USP31: variants seen among roughly 807,000 people sequenced by gnomAD.
The protein encoded by USP31 is ubiquitin specific peptidase 31, also known as ubiquitin carboxyl-terminal hydrolase 31.
A neutral mutation model predicts 119.4 loss-of-function variants in USP31; 44 were observed. That is an observed-to-expected ratio of 0.37 (90% confidence interval 0.29 to 0.47). USP31 has a LOEUF of 0.47. Ranked by LOEUF, USP31 falls within the 20% of genes least tolerant of loss-of-function variation. The pLI, the probability that USP31 is intolerant of heterozygous loss-of-function variation, is 0.99. For synonymous variants in USP31, 749 were observed against 705.6 expected (o/e 1.06, Z -0.97); for missense variants, 1,643 against 1,730.2 (o/e 0.95, Z 0.89).
chr16:23,105,925 C>A (rs1219901887), intron 4 of USP31, among the ~76,000 whole-genome samples: 1 of 152,174 alleles, frequency 6.6e-6, no homozygotes, highest in Non-Finnish European at 1.5e-5. Flanking sequence ...AAAGTAAGGT[C>A]TCTAGAGAAT....
At chr16:23,145,218 G>A (rs1044816249) in intron 1 of USP31, among the ~76,000 whole-genome samples, 1 of 152,170 alleles carries the variant, frequency 6.6e-6, no homozygotes. Context: ...GCTATACACA[G>A]GATGGTCCTT....
intron 13 of USP31, chr16:23,074,089 G>A: frequency 1.7e-6 from 1 of 583,660 alleles, no homozygotes; most frequent in South Asian, 1.9e-5. Context: ...ATTCCAAGTA[G>A]ATGCAGTTCC....
At position 23,072,176 on chromosome 16, in the gene USP31, C is replaced by T; in HGVS notation, c.2357G>A (p.Cys786Tyr). The part of the protein sequence containing the change: ...SVAGSTSSSL[C>Y]EHWVSRLPGS... ...CGGGAGCCGGCTCACCCAGTGTTCACACAGGGAAGAACTTGTGGAGCCTGC... is the reference window on the plus strand; with the variant it reads ...CGGGAGCCGGCTCACCCAGTGTTCATACAGGGAAGAACTTGTGGAGCCTGC... The change falls in exon 15 of 16, where the codon TGT becomes TAT. Residue 786 changes from cysteine (C) to tyrosine (Y), a missense_variant. By Grantham distance (194) the Cys-to-Tyr change is radical (BLOSUM62 -2). Coordinates refer to ENST00000219689, the MANE Select transcript of USP31 (RefSeq NM_020718.4). 6.2e-7 allele frequency: 1 copy of T among 1,608,984 alleles called. No homozygotes were observed. The highest frequency in any genetic ancestry group is 8.5e-7 in the Non-Finnish European group (1 of 1,179,990).
Position 23,084,998 on chromosome 16 carries a change from A to C in USP31, c.1701-9T>G, listed in dbSNP as rs1376828319. On this transcript the variant is annotated splice_polypyrimidine_tract_variant and intron_variant, in intron 10 of 15. Transcript: ENST00000219689. ...CAGTATTTACAAATAAGCTGCAATT[A>C]GGGGGAAAAGCATCTATCAGGGAAT... The C allele has an allele frequency of 1.2e-6, 2 of 1,613,454 alleles. No individual in the cohort carries two copies. The highest frequency in any genetic ancestry group is 2.2e-5 in the East Asian group (1 of 44,882).
chr16:23,068,128 C>A lies in USP31; in HGVS notation c.3977G>T (p.Gly1326Val). The change falls in exon 16 of 16, where the codon GGC (glycine) becomes GTC (valine). Residue 1326 changes from glycine (G) to valine (V), a missense_variant. By Grantham distance (109) the Gly-to-Val change is moderately radical. Around this residue, in one of 5 missense-constraint regions of USP31, gnomAD observed 699 missense variants for 650.9 expected, o/e 1.07. Coordinates refer to ENST00000219689, the MANE Select transcript of USP31 (RefSeq NM_020718.4). Reference protein sequence around the residue: ...LDSGVPSSPGGRQSAEKSSKK... With the variant: ...LDSGVPSSPGVRQSAEKSSKK... ...TGAGGATTTCTCTGCAGACTGCCTG[C>A]CACCCGGAGACGAGGGAACTCCAGA... The A allele has an allele frequency of 6.2e-7, 1 of 1,614,206 alleles. No individual in the cohort carries two copies. The highest frequency in any genetic ancestry group is 8.5e-7 in the Non-Finnish European group (1 of 1,180,044).
At chr16:23,102,517 G>C in intron 5 of USP31, 54 bp from the exon 6 acceptor site, 5 of 1,570,158 alleles carry the variant, frequency 3.2e-6, no homozygotes, top group Non-Finnish European at 4.3e-6. Flanking sequence ...GATACTAATT[G>C]ATCTCCCAAT....
intron 6 of USP31, among the ~76,000 whole-genome samples, chr16:23,096,312 G>A (rs978929517): frequency 6.6e-6 from 1 of 152,108 alleles, no homozygotes; most frequent in African/African-American, 2.4e-5. Context: ...ACATATATAT[G>A]CACCCAATAC....
At chr16:23,079,242 A>T (rs1489477807) in intron 13 of USP31, 1 of 80,990 alleles carries the variant, frequency 1.2e-5, no homozygotes, top group Non-Finnish European at 3.1e-5. Context: ...TATCGCAATT[A>T]AAAAAAATGT....
intron 6 of USP31, 108 bp downstream of exon 6, chr16:23,102,211 C>T: frequency 2.5e-5 from 30 of 1,203,756 alleles, no homozygotes; most frequent in South Asian, 9.4e-5. Context: ...TGTATTTTAC[C>T]ACAATTTAAA....
intron 1 of USP31, among the ~76,000 whole-genome samples, chr16:23,139,991 T>C (rs1232261356): frequency 1.3e-5 from 2 of 152,240 alleles, no homozygotes; most frequent in Admixed American, 6.5e-5. Flanking sequence ...GTCACTTGGA[T>C]TCACCTTTCC....
intron 4 of USP31, 134 bp downstream of exon 4, chr16:23,106,079 A>T (rs1019331558): frequency 2.0e-6 from 2 of 1,007,306 alleles, no homozygotes; most frequent in African/African-American, 3.3e-5. Flanking sequence ...GTAAGGTTGT[A>T]GCAATGACTG....
intron 1 of USP31, among the ~76,000 whole-genome samples, chr16:23,129,569 T>G (rs1383956692): frequency 6.6e-6 from 1 of 152,226 alleles, no homozygotes; most frequent in Non-Finnish European, 1.5e-5. Flanking sequence ...GAAATAAGAT[T>G]GTCCACAAAT....
At chr16:23,096,651 C>A (rs1901627212) in intron 6 of USP31, among the ~76,000 whole-genome samples, 1 of 152,202 alleles carries the variant, frequency 6.6e-6, no homozygotes, top group South Asian at 2.1e-4. Flanking sequence ...GTCTCTCAGA[C>A]CACAGTGCAA....
At position 23,148,432 on chromosome 16, in the gene USP31, T is replaced by C. The variant is rs555961379; in HGVS notation, c.633+206A>G. On this transcript the variant is annotated intron_variant, in intron 1 of 15. Transcript: ENST00000219689. ...GGGCACGTATGTAGTAAGTTCTCAATAAATACATGTTTGAGTGAGTGAGTG... is the reference window on the plus strand; with the variant it reads ...GGGCACGTATGTAGTAAGTTCTCAACAAATACATGTTTGAGTGAGTGAGTG... Among the ~76,000 whole-genome samples the C allele has an allele frequency of 3.8e-3, 573 of 152,340 alleles. 31 individuals carry two copies. The South Asian group carries it at 0.11, about 30-fold the overall frequency.
In USP31 at chr16:23,106,383, T is replaced by A; in HGVS notation, c.860+16A>T. The A allele has an allele frequency of 6.2e-7, 1 of 1,613,630 alleles. No individual in the cohort carries two copies. The highest frequency in any genetic ancestry group is 1.3e-5 in the African/African-American group (1 of 75,020). ...CAGGTAAACAAAATAAGTGGAAACA[T>A]CCGATTTTCTCATACCTGTATTGCG... On this transcript the variant is annotated intron_variant, in intron 3 of 15. Transcript: ENST00000219689.
intron 15 of USP31, 127 bp from the exon 16 acceptor site, chr16:23,069,743 C>T: frequency 7.9e-7 from 1 of 1,272,030 alleles, no homozygotes; most frequent in Non-Finnish European, 1.0e-6. Context: ...TCAGAGCCAG[C>T]CCATCTGGGA....
In USP31 at chr16:23,105,721, T is replaced by C. The variant is rs1902072279; in HGVS notation, c.954-145A>G. ...GGAAGCCCAAATGGAAAAATTTCACTTGGCTCTAAGCAGAACTGTCAAACA... is the reference window on the plus strand; with the variant it reads ...GGAAGCCCAAATGGAAAAATTTCACCTGGCTCTAAGCAGAACTGTCAAACA... On this transcript the variant is annotated intron_variant, in intron 4 of 15. Transcript: ENST00000219689. The C allele has an allele frequency of 6.6e-6, 6 of 904,186 alleles. 1 individual carries two copies. In the South Asian group the frequency reaches 1.8e-4, roughly 27 times the overall value. 56.0% of individuals were successfully genotyped at this position (904,186 alleles called of 1,614,324 possible).
At chr16:23,129,121 AG>A (rs369948552) in intron 1 of USP31, among the ~76,000 whole-genome samples, 211 of 152,328 alleles carry the variant, frequency 1.4e-3, no homozygotes, top group African/African-American at 4.5e-3. Context: ...AGCCCACAAT[AG>A]ATTGGAAATT....
chr16:23,090,263 A>G (rs1043174899), intron 7 of USP31, among the ~76,000 whole-genome samples: 1 of 152,140 alleles, frequency 6.6e-6, no homozygotes, highest in African/African-American at 2.4e-5. Flanking sequence ...GCTGGCGCCT[A>G]TAATCCCAGC....
Sources: gnomAD v4.1 joint callset for allele counts (sites outside exome capture counted in the v4.1 genomes callset) on GRCh38, gnomAD v4.1.1 for gene constraint, gnomAD v4.1.1 regional missense constraint, MANE v1.5 for transcripts, NCBI Gene and HGNC (gene_info 2026-07-23, HGNC 2026-07-21) for gene names.